The following NEDD4L variants were observed in gnomAD, a reference collection of about 807,000 sequenced individuals.
The protein encoded by NEDD4L is E3 ubiquitin-protein ligase NEDD4-like.
In NEDD4L, 54 loss-of-function variants were observed where a neutral mutation model predicts 148.9. The observed-to-expected ratio is 0.36, with a 90% CI of 0.29 to 0.45. The LOEUF is 0.45. Among genes scored for constraint, NEDD4L ranks in the 20% least tolerant of loss-of-function variants. NEDD4L has a pLI of 1.00. For missense variants in NEDD4L, 856 were observed against 1,233.8 expected (o/e 0.69, Z 4.59); for synonymous variants, 433 against 440.7 (o/e 0.98, Z 0.22).
chr18:58,344,345 C>T (rs1463304802), intron 16 of NEDD4L, among the ~76,000 whole-genome samples: 1 of 152,176 alleles, frequency 6.6e-6, no homozygotes, highest in Non-Finnish European at 1.5e-5. Context: ...GCATTCTTGG[C>T]ATTTGGGGCA....
At chr18:58,124,998 G>A (rs1340377978) in intron 1 of NEDD4L, among the ~76,000 whole-genome samples, 1 of 152,206 alleles carries the variant, frequency 6.6e-6, no homozygotes, top group Non-Finnish European at 1.5e-5. Context: ...AGACTCCTGG[G>A]TTCAGGCAGT....
chr18:58,063,755 G>C (rs1031773496), intron 1 of NEDD4L, among the ~76,000 whole-genome samples: 1 of 150,712 alleles, frequency 6.6e-6, no homozygotes, highest in African/African-American at 2.4e-5. Flanking sequence ...TTGTAGAGAC[G>C]GGGTTTCACC....
chr18:58,230,661 AC>A (rs1435192823), intron 2 of NEDD4L, among the ~76,000 whole-genome samples: 1 of 152,068 alleles, frequency 6.6e-6, no homozygotes, highest in Non-Finnish European at 1.5e-5. Context: ...CTCTGTGAAG[AC>A]CCTGTTTCCG....
chr18:58,163,760 G>A (rs911712100), intron 1 of NEDD4L, among the ~76,000 whole-genome samples: 1 of 152,188 alleles, frequency 6.6e-6, no homozygotes, highest in African/African-American at 2.4e-5. Context: ...GGACGGTTGG[G>A]TGGATGGAAG....
chr18:58,096,449 G>C (rs892454067), intron 1 of NEDD4L, among the ~76,000 whole-genome samples: 2 of 149,252 alleles, frequency 1.3e-5, no homozygotes, highest in Admixed American at 6.7e-5. Context: ...TGTCACCCAG[G>C]CTGGAGCGCA....
chr18:58,139,223 G>C (rs1259348309), intron 1 of NEDD4L, among the ~76,000 whole-genome samples: 1 of 152,168 alleles, frequency 6.6e-6, no homozygotes, highest in Non-Finnish European at 1.5e-5. Flanking sequence ...TCTAGGGCTG[G>C]ACTTGGGAGG....
intron 2 of NEDD4L, among the ~76,000 whole-genome samples, chr18:58,201,778 C>T (rs920079393): frequency 3.3e-5 from 5 of 152,322 alleles, no homozygotes; most frequent in African/African-American, 4.8e-5. Context: ...TTCTCTTACT[C>T]ATAAAGCAGC....
chr18:58,210,027 C>T (rs997961582), intron 2 of NEDD4L, among the ~76,000 whole-genome samples: 2 of 151,960 alleles, frequency 1.3e-5, no homozygotes, highest in African/African-American at 4.8e-5. Flanking sequence ...TTTGGCCGGG[C>T]ATGGTGGCTT....
At chr18:58,213,369 A>G (rs2147771829) in intron 2 of NEDD4L, among the ~76,000 whole-genome samples, 1 of 152,360 alleles carries the variant, frequency 6.6e-6, no homozygotes, top group East Asian at 1.9e-4. Flanking sequence ...GACTGTTTGT[A>G]CCATGTAATA....
chr18:58,263,022 G>T (rs2049666874), intron 5 of NEDD4L, among the ~76,000 whole-genome samples: 2 of 152,160 alleles, frequency 1.3e-5, no homozygotes, highest in African/African-American at 2.4e-5. Context: ...TGAGTACAGT[G>T]ATTAAATCTC....
intron 18 of NEDD4L, among the ~76,000 whole-genome samples, chr18:58,351,596 G>A (rs894096369): frequency 1.3e-5 from 2 of 152,100 alleles, no homozygotes; most frequent in Admixed American, 6.5e-5. Flanking sequence ...ATGAAAAAAT[G>A]TGTGGTTTCT....
chr18:58,091,301 G>T (rs764472725), intron 1 of NEDD4L: 4 of 152,282 alleles, frequency 2.6e-5, no homozygotes, highest in African/African-American at 7.2e-5. Flanking sequence ...GAGCCCTTTA[G>T]TGTTATCGGG....
chr18:58,290,725 GT>G (rs879510265), intron 5 of NEDD4L, among the ~76,000 whole-genome samples: 63 of 145,978 alleles, frequency 4.3e-4, no homozygotes, highest in Admixed American at 4.1e-4. Flanking sequence ...TTTTAGTCAA[GT>G]TTTTTTTTTT....
chr18:58,274,864 T>C (rs952744499), intron 5 of NEDD4L, among the ~76,000 whole-genome samples: 2 of 152,244 alleles, frequency 1.3e-5, no homozygotes, highest in African/African-American at 4.8e-5. Context: ...TTTTATGTAG[T>C]AGGTGCTCAA....
rs1416714309 is a variant in NEDD4L, at chr18:58,080,208, GCCACTGCA to G, written c.48+35503_48+35510del. Among the ~76,000 whole-genome samples, 3 of 152,236 alleles carry G rather than the reference GCCACTGCA, an allele frequency of 2.0e-5. No homozygotes were observed. The East Asian group carries it at 5.8e-4, about 29-fold the overall frequency. Reference sequence around the variant, plus strand: ...CAGAGTGCTGGGATTAAAGGTGTGAGCCACTGCACCCTGCCTAGGATTCTCTGTAGATG... The same window carrying G: ...CAGAGTGCTGGGATTAAAGGTGTGAGCCCTGCCTAGGATTCTCTGTAGATG... On this transcript the variant is annotated intron_variant, in intron 1 of 30. Coordinates refer to ENST00000400345, the MANE Select transcript of NEDD4L (RefSeq NM_001144967.3).
At chr18:58,320,288 C>G (rs1016607482) in intron 6 of NEDD4L, among the ~76,000 whole-genome samples, 3 of 152,170 alleles carry the variant, frequency 2.0e-5, no homozygotes, top group South Asian at 2.1e-4. Context: ...TTCCCATCAC[C>G]CTGTATTGTA....
chr18:58,078,769 C>G (rs531316745), intron 1 of NEDD4L, among the ~76,000 whole-genome samples: 40 of 152,194 alleles, frequency 2.6e-4, no homozygotes, highest in African/African-American at 8.9e-4. Flanking sequence ...CTGGCCCCTC[C>G]GAGGGAGGAG....
intron 1 of NEDD4L, among the ~76,000 whole-genome samples, chr18:58,163,158 G>A (rs2036434963): frequency 6.6e-6 from 1 of 152,164 alleles, no homozygotes; most frequent in Admixed American, 6.5e-5. Flanking sequence ...GCGCACTGCA[G>A]CCTTGAGCTC....
At chr18:58,318,874 A>G (rs1208194892) in intron 6 of NEDD4L, among the ~76,000 whole-genome samples, 2 of 152,190 alleles carry the variant, frequency 1.3e-5, no homozygotes, top group Non-Finnish European at 1.5e-5. Context: ...TGGGAAAGGC[A>G]GTGGGGCAGA....
Sources: allele counts gnomAD v4.1 joint callset (sites outside exome capture counted in the v4.1 genomes callset), GRCh38; gene constraint gnomAD v4.1.1; transcripts MANE v1.5; gene names NCBI Gene and HGNC (gene_info 2026-07-23, HGNC 2026-07-21).